Variants in IL34 observed in about 807,000 individuals in gnomAD.
IL34 encodes the protein interleukin 34.
A neutral mutation model predicts 25.3 loss-of-function variants in IL34; 17 were observed. The observed-to-expected ratio is 0.67, with a 90% CI of 0.46 to 1.01. The LOEUF is 1.01. Among genes scored for constraint, IL34 ranks in the 50% least tolerant of loss-of-function variants. IL34 has a pLI of 0.00. For missense variants in IL34, 368 were observed against 312.9 expected, an observed-to-expected ratio of 1.18 and a Z score of -1.33; for synonymous variants, 174 against 140.9, an observed-to-expected ratio of 1.23 and a Z score of -1.66.
chr16:70,648,579 GAAAAGA>G (rs2052001183), intron 1 of IL34, among the ~76,000 whole-genome samples: 1 of 140,518 alleles, frequency 7.1e-6, no homozygotes, highest in South Asian at 2.3e-4. Flanking sequence ...AAAAAAAGGA[GAAAAGA>G]AAAAGAGAGA....
At chr16:70,642,250 G>GAGAGAC (rs1214708803), upstream of IL34, among the ~76,000 whole-genome samples, 6 of 150,636 alleles carry the variant, frequency 4.0e-5, no homozygotes, top group Non-Finnish European at 8.9e-5. Context: ...CAGAGAGAGA[G>GAGAGAC]AGAGACAAAG....
intron 1 of IL34, among the ~76,000 whole-genome samples, chr16:70,609,495 G>A (rs765446380): frequency 3.3e-5 from 5 of 152,098 alleles, no homozygotes; most frequent in East Asian, 1.9e-4. Context: ...GATGACACCC[G>A]GAGGTGTGGG....
At chr16:70,634,913 C>CGGTT (rs2051608312) in intron 1 of IL34, among the ~76,000 whole-genome samples, 1 of 90,606 alleles carries the variant, frequency 1.1e-5, no homozygotes, top group South Asian at 4.1e-4. Context: ...CACAGATCAG[C>CGGTT]AGTTCCTTTT....
rs149588458 is a variant in IL34, at chr16:70,634,670, A to G, written c.-400-11878A>G. On this transcript the variant is annotated intron_variant, in intron 1 of 6. Transcript: ENST00000429149. Reference sequence around the variant, plus strand: ...ACTCCAGCCTGGGCGACAGAGCGAGATTCCGAATCAAAAAAAAAAAAAAAA... The same window carrying G: ...ACTCCAGCCTGGGCGACAGAGCGAGGTTCCGAATCAAAAAAAAAAAAAAAA... Among the ~76,000 whole-genome samples the G allele has an allele frequency of 6.0e-3, 897 of 150,178 alleles. 8 individuals are homozygous for G. Among genetic ancestry groups the G allele is most frequent in the Middle Eastern group, 0.017 (5 of 290 alleles).
At chr16:70,611,030 G>A (rs2051083295) in intron 1 of IL34, among the ~76,000 whole-genome samples, 1 of 152,172 alleles carries the variant, frequency 6.6e-6, no homozygotes, top group African/African-American at 2.4e-5. Context: ...CCGGAGCACA[G>A]TGGCCTGGCA....
intron 1 of IL34, among the ~76,000 whole-genome samples, chr16:70,603,479 C>T (rs1478446501): frequency 6.6e-6 from 1 of 152,156 alleles, no homozygotes; most frequent in East Asian, 1.9e-4. Flanking sequence ...GGGTTTCTCA[C>T]GTTGGTCAGG....
intron 1 of IL34, among the ~76,000 whole-genome samples, chr16:70,610,783 G>A (rs1212567529): frequency 6.6e-6 from 1 of 152,186 alleles, no homozygotes; most frequent in Non-Finnish European, 1.5e-5. Context: ...AGTAGCCGTC[G>A]GTGCGGGACA....
intron 1 of IL34, among the ~76,000 whole-genome samples, chr16:70,605,490 C>G (rs1462875878): frequency 6.6e-6 from 1 of 152,142 alleles, no homozygotes; most frequent in Non-Finnish European, 1.5e-5. Context: ...CCAAATGAAA[C>G]TCTACCCATT....
chr16:70,646,908 G>T lies in IL34; in HGVS notation c.-40G>T. 4.1e-6 allele frequency: 6 copies of T among 1,478,630 alleles called. No homozygotes were observed. The highest frequency in any genetic ancestry group is 5.4e-6 in the Non-Finnish European group (6 of 1,120,016). 91.6% of individuals were successfully genotyped at this position (1,478,630 alleles called of 1,614,324 possible). On this transcript the variant is annotated 5_prime_UTR_variant, in exon 1 of 6. Transcript: ENST00000288098. ...TAGGCCTCTGTGGACACACTGCTGG[G>T]GACGGCGCCTGAGCTCTCAGGGGGA...
In IL34 at chr16:70,636,753, G is replaced by A. The variant is rs149131629; in HGVS notation, c.-400-9795G>A. ...ACTGCACTCCAGCCTTGGCAACAGA[G>A]AGAAACCCTGTCTCAAACAAACAAA... On this transcript the variant is annotated intron_variant, in intron 1 of 6. Coordinates refer to the IL34 transcript ENST00000429149. Among the ~76,000 whole-genome samples, 492 of 151,248 alleles carry A rather than the reference G, an allele frequency of 3.3e-3. 2 individuals are homozygous for A. The highest frequency in any genetic ancestry group is 5.5e-3 in the Non-Finnish European group (372 of 67,926).
chr16:70,631,056 A>G (rs1483209881), intron 1 of IL34, among the ~76,000 whole-genome samples: 1 of 152,142 alleles, frequency 6.6e-6, no homozygotes, highest in African/African-American at 2.4e-5. Flanking sequence ...TACATTTTCA[A>G]TTTGTGGTTG....
intron 1 of IL34, among the ~76,000 whole-genome samples, chr16:70,648,889 C>A (rs1250244429): frequency 6.6e-6 from 1 of 152,204 alleles, no homozygotes; most frequent in Non-Finnish European, 1.5e-5. Context: ...CTTGCCTCTT[C>A]CAGCTCCTGG....
At chr16:70,645,646 A>T (rs62050282), upstream of IL34, among the ~76,000 whole-genome samples, 9,566 of 152,192 alleles carry the variant, frequency 0.063, 386 homozygotes, top group Middle Eastern at 0.18. Flanking sequence ...CACTTCTTAC[A>T]AGCCGTATGA....
At chr16:70,582,500 G>A (rs1351875000) in intron 1 of IL34, among the ~76,000 whole-genome samples, 1 of 152,208 alleles carries the variant, frequency 6.6e-6, no homozygotes, top group African/African-American at 2.4e-5. Flanking sequence ...TCCACATGTG[G>A]GCAGTGACTG....
chr16:70,583,387 C>T (rs143014732), intron 1 of IL34, among the ~76,000 whole-genome samples: 2,269 of 152,198 alleles, frequency 0.015, 22 homozygotes, highest in South Asian at 0.053. Context: ...CAGGCATGAG[C>T]CACCGCACCT....
At chr16:70,631,067 G>C (rs549483070) in intron 1 of IL34, among the ~76,000 whole-genome samples, 2 of 152,348 alleles carry the variant, frequency 1.3e-5, no homozygotes, top group South Asian at 4.1e-4. Context: ...TTTGTGGTTG[G>C]TTGAAACTGA....
intron 1 of IL34, among the ~76,000 whole-genome samples, chr16:70,647,262 C>G (rs1408002132): frequency 6.6e-6 from 1 of 152,154 alleles, no homozygotes; most frequent in Admixed American, 6.5e-5. Context: ...AGCATCTCAC[C>G]TTTCCAGGCT....
intron 1 of IL34, among the ~76,000 whole-genome samples, chr16:70,652,142 T>C (rs2052097116): frequency 6.9e-6 from 1 of 144,828 alleles, no homozygotes; most frequent in African/African-American, 2.6e-5. Context: ...AAAAAATAAA[T>C]AAAAATAAAA....
chr16:70,607,212 C>T (rs1290406853), intron 1 of IL34, among the ~76,000 whole-genome samples: 1 of 152,202 alleles, frequency 6.6e-6, no homozygotes, highest in African/African-American at 2.4e-5. Flanking sequence ...CGCTATTCTC[C>T]TGCCTCAGCC....
Sources: allele counts gnomAD v4.1 joint callset (sites outside exome capture counted in the v4.1 genomes callset), GRCh38; gene constraint gnomAD v4.1.1; transcripts MANE v1.5; gene names NCBI Gene and HGNC (gene_info 2026-07-23, HGNC 2026-07-21).